ASB15: variants seen among roughly 807,000 people sequenced by gnomAD.
The protein encoded by ASB15 is ankyrin repeat and SOCS box containing 15.
A neutral mutation model predicts 58.0 loss-of-function variants in ASB15; 54 were observed. That is an observed-to-expected ratio of 0.93 (90% confidence interval 0.75 to 1.17). The LOEUF (loss-of-function observed/expected upper bound fraction) is 1.17. Ranked by LOEUF, ASB15 falls within the 50% of genes most tolerant of loss-of-function variation. ASB15 has a pLI of 0.00. For missense variants in ASB15, 680 were observed against 707.4 expected (o/e 0.96, Z 0.44); for synonymous variants, 249 against 262.4 (o/e 0.95, Z 0.50).
chr7:123,572,334 T>C (rs918390022), intron 1 of ASB15, among the ~76,000 whole-genome samples: 1 of 151,344 alleles, frequency 6.6e-6, no homozygotes. Flanking sequence ...TAGAGACAGG[T>C]TTCACCATGT....
At chr7:123,623,169 C>T (rs1218370850) in intron 7 of ASB15, 2 of 152,160 alleles carry the variant, frequency 1.3e-5, no homozygotes, top group African/African-American at 2.4e-5. Context: ...TCCTGTTGTC[C>T]ACAGTGCATA....
At chr7:123,594,221 G>T (rs926190048) in intron 1 of ASB15, among the ~76,000 whole-genome samples, 2 of 152,048 alleles carry the variant, frequency 1.3e-5, no homozygotes, top group African/African-American at 2.4e-5. Flanking sequence ...CAATGGGTTA[G>T]AACATGCTTC....
At chr7:123,601,219 T>G (rs1799866514), upstream of ASB15, among the ~76,000 whole-genome samples, 1 of 152,140 alleles carries the variant, frequency 6.6e-6, no homozygotes, top group Non-Finnish European at 1.5e-5. Flanking sequence ...AAAACAACCT[T>G]CCTCAATTAA....
intron 1 of ASB15, among the ~76,000 whole-genome samples, chr7:123,575,816 C>CTT (rs71531935): frequency 0.23 from 31,102 of 136,662 alleles, 3,774 homozygotes; most frequent in East Asian, 0.28. Flanking sequence ...ATGAAGTTTT[C>CTT]TTTTTTTTTT....
chr7:123,578,568 A>C (rs554347817), intron 1 of ASB15, among the ~76,000 whole-genome samples: 2 of 152,114 alleles, frequency 1.3e-5, no homozygotes, highest in South Asian at 4.2e-4. Flanking sequence ...TCTAACTATT[A>C]TCACCAGACT....
At chr7:123,589,931 C>T (rs181162042) in intron 1 of ASB15, among the ~76,000 whole-genome samples, 4 of 152,290 alleles carry the variant, frequency 2.6e-5, no homozygotes, top group African/African-American at 9.6e-5. Flanking sequence ...TTTACACTCC[C>T]ACCAACAGTG....
chr7:123,627,364 A>C (rs1286840165), intron 9 of ASB15, 83 bp downstream of exon 9: 7 of 1,112,086 alleles, frequency 6.3e-6, no homozygotes, highest in Non-Finnish European at 7.3e-6. Context: ...TATATGTAAT[A>C]CCTTTCAAAA....
At chr7:123,570,211 AT>A (rs1466655992) in intron 1 of ASB15, among the ~76,000 whole-genome samples, 2 of 150,974 alleles carry the variant, frequency 1.3e-5, no homozygotes, top group Non-Finnish European at 3.0e-5. Flanking sequence ...ATTTTTTTGT[AT>A]TTTTTAGTAG....
intron 1 of ASB15, among the ~76,000 whole-genome samples, chr7:123,591,030 G>T (rs1333446200): frequency 6.6e-6 from 1 of 152,042 alleles, no homozygotes; most frequent in Non-Finnish European, 1.5e-5. Flanking sequence ...CTGTAAGGTG[G>T]ATTCCTAGGT....
intron 1 of ASB15, among the ~76,000 whole-genome samples, chr7:123,574,712 C>T (rs1262854666): frequency 6.6e-6 from 1 of 152,080 alleles, no homozygotes; most frequent in Non-Finnish European, 1.5e-5. Context: ...CAGCTAATTC[C>T]TTAACCCACT....
chr7:123,611,440 G>A (rs895251893), intron 3 of ASB15, among the ~76,000 whole-genome samples: 1 of 151,072 alleles, frequency 6.6e-6, no homozygotes, highest in South Asian at 2.1e-4. Context: ...GACTACAGGC[G>A]CCCGCCACCG....
chr7:123,591,494 G>C (rs1799535370), intron 1 of ASB15, among the ~76,000 whole-genome samples: 1 of 152,132 alleles, frequency 6.6e-6, no homozygotes, highest in Non-Finnish European at 1.5e-5. Flanking sequence ...AGTTTATTGA[G>C]AGTTTTAACA....
rs1802509570 is a variant in ASB15, at chr7:123,637,950, A to G, written c.*969A>G. 6.6e-6 allele frequency: 1 copy of G among 151,186 alleles called. No homozygotes were observed. Among genetic ancestry groups the G allele is most frequent in the Non-Finnish European group, 1.5e-5 (1 of 67,920 alleles). The allele number at this position is 151,186 out of a possible 1,614,324, so 9.4% of individuals were successfully genotyped here. On this transcript the variant is annotated 3_prime_UTR_variant, in exon 12 of 12. Transcript: ENST00000451215. ...GCACAATGCTCAATTCAGTTTCCAA[A>G]GAAAAAAGCCTGGACATTAGGTTTG...
intron 1 of ASB15, among the ~76,000 whole-genome samples, chr7:123,585,209 A>G (rs1799342805): frequency 6.6e-6 from 1 of 151,760 alleles, no homozygotes; most frequent in African/African-American, 2.4e-5. Context: ...ATTTTGTACC[A>G]ATCCCCCTCT....
intron 7 of ASB15, among the ~76,000 whole-genome samples, chr7:123,620,719 T>C (rs13222453): frequency 0.45 from 65,721 of 147,270 alleles, 14,889 homozygotes; most frequent in South Asian, 0.66. Context: ...CCCACCACCA[T>C]GCCTGGCTAA....
At chr7:123,628,768 T>G in intron 9 of ASB15, 96 bp from the exon 10 acceptor site, 1 of 795,006 alleles carries the variant, frequency 1.3e-6, no homozygotes, top group Non-Finnish European at 1.9e-6. Context: ...TAAGGGAAAC[T>G]ATACAACTTG....
intron 1 of ASB15, among the ~76,000 whole-genome samples, chr7:123,595,413 TTC>T (rs1291591483): frequency 6.6e-6 from 1 of 152,184 alleles, no homozygotes; most frequent in African/African-American, 2.4e-5. Context: ...CTCTATACCT[TTC>T]TGTGTCGGGT....
At chr7:123,568,389 G>A (rs949229606) in intron 1 of ASB15, among the ~76,000 whole-genome samples, 3 of 151,788 alleles carry the variant, frequency 2.0e-5, no homozygotes, top group African/African-American at 7.3e-5. Flanking sequence ...GCATGGTGGC[G>A]CATGCTTGTA....
chr7:123,627,088 A>G, intron 8 of ASB15, 22 bp from the exon 9 acceptor site: 1 of 1,603,746 alleles, frequency 6.2e-7, no homozygotes, highest in Non-Finnish European at 8.5e-7. Flanking sequence ...AGTTATCATT[A>G]TGCCACGTTT....
Sources: gnomAD v4.1 joint callset for allele counts (sites outside exome capture counted in the v4.1 genomes callset) on GRCh38, gnomAD v4.1.1 for gene constraint, MANE v1.5 for transcripts, NCBI Gene and HGNC (gene_info 2026-07-23, HGNC 2026-07-21) for gene names.